Variants in ATRNL1 observed in about 807,000 individuals in gnomAD.
ATRNL1 encodes attractin-like protein 1.
A neutral mutation model predicts 182.7 loss-of-function variants in ATRNL1; 95 were observed. That is an observed-to-expected ratio of 0.52 (90% CI 0.44 to 0.62). The LOEUF (loss-of-function observed/expected upper bound fraction) is 0.62, where lower values mean the gene tolerates loss of function less well. ATRNL1 is among the 20% of genes least tolerant of loss of function. The pLI is 0.00. For synonymous variants in ATRNL1, 576 were observed against 568.3 expected (o/e 1.01, Z -0.19); for missense variants, 1,471 against 1,679.5 (o/e 0.88, Z 2.17).
At chr10:115,594,001 T>A (rs1856074065) in intron 26 of ATRNL1, among the ~76,000 whole-genome samples, 1 of 152,072 alleles carries the variant, frequency 6.6e-6, no homozygotes, top group South Asian at 2.1e-4. Context: ...CTCTAAAACA[T>A]ATTATTAGGT....
intron 5 of ATRNL1, 72 bp downstream of exon 5, chr10:115,129,607 C>A: frequency 7.9e-7 from 1 of 1,269,170 alleles, no homozygotes; most frequent in Non-Finnish European, 1.1e-6. Flanking sequence ...AAATTCCACA[C>A]GTTTGTTTCG....
chr10:115,564,156 T>G (rs1388112880), intron 26 of ATRNL1, among the ~76,000 whole-genome samples: 3 of 152,096 alleles, frequency 2.0e-5, no homozygotes, highest in Non-Finnish European at 4.4e-5. Context: ...AAATGATTCA[T>G]GTACTTTAAT....
At chr10:115,932,953 G>A (rs782485354) in intron 28 of ATRNL1, among the ~76,000 whole-genome samples, 5 of 147,650 alleles carry the variant, frequency 3.4e-5, no homozygotes, top group African/African-American at 5.3e-5. Context: ...ACTTAAAACG[G>A]TAAGATAATT....
rs1554924686 is a variant in ATRNL1, at chr10:115,301,966, G to C, written c.2741G>C (p.Arg914Pro). 1 of 1,613,992 alleles carries C rather than the reference G, an allele frequency of 6.2e-7. No homozygotes were observed. Among genetic ancestry groups the C allele is most frequent in the Admixed American group, 1.7e-5 (1 of 59,998 alleles). The change falls in exon 17 of 29, where the codon CGA becomes CCA. Residue 914 changes from arginine (R) to proline (P), a missense_variant. Around this residue, in one of 3 missense-constraint regions of ATRNL1, gnomAD observed 1,031 missense variants for 1,156.0 expected, o/e 0.89. Coordinates refer to ENST00000355044, the MANE Select transcript of ATRNL1 (RefSeq NM_207303.4). ...TGTATGTGGTGCAGCAGTACGAAAC[G>C]ATGTGTTGACTCTAATGCCTATATC... ...MECMWCSSTK[R>P]CVDSNAYIIS...
intron 10 of ATRNL1, among the ~76,000 whole-genome samples, chr10:115,244,506 T>A (rs1258005373): frequency 2.0e-5 from 3 of 152,152 alleles, no homozygotes; most frequent in African/African-American, 7.2e-5. Context: ...CTATGTTTTT[T>A]AAAAGTGACT....
At chr10:115,528,038 CT>C (rs1554987168) in intron 25 of ATRNL1, among the ~76,000 whole-genome samples, 7 of 32,276 alleles carry the variant, frequency 2.2e-4, no homozygotes, top group African/African-American at 8.8e-4. Context: ...TCCTTCCTTT[CT>C]TCCTTCCTTC....
intron 21 of ATRNL1, among the ~76,000 whole-genome samples, chr10:115,453,894 A>G (rs1455586389): frequency 6.6e-6 from 1 of 151,896 alleles, no homozygotes; most frequent in African/African-American, 2.4e-5. Flanking sequence ...ACATGTATAC[A>G]TATGTAACTA....
At chr10:115,230,865 G>C (rs1849894602) in intron 9 of ATRNL1, among the ~76,000 whole-genome samples, 1 of 137,044 alleles carries the variant, frequency 7.3e-6, no homozygotes, top group Non-Finnish European at 1.6e-5. Context: ...TGGATATAGA[G>C]TGGATGAGAG....
chr10:115,792,078 A>G (rs1172302191), intron 27 of ATRNL1, among the ~76,000 whole-genome samples: 1 of 152,136 alleles, frequency 6.6e-6, no homozygotes, highest in Non-Finnish European at 1.5e-5. Context: ...CAGCAAGCAT[A>G]CTGCTTCACA....
intron 24 of ATRNL1, among the ~76,000 whole-genome samples, chr10:115,481,774 C>G (rs1449981208): frequency 6.6e-6 from 1 of 150,502 alleles, no homozygotes; most frequent in Non-Finnish European, 1.5e-5. Flanking sequence ...TGTTTTAGCT[C>G]TAGACACGCT....
At chr10:115,263,155 A>G (rs1321640825) in intron 10 of ATRNL1, among the ~76,000 whole-genome samples, 5 of 151,934 alleles carry the variant, frequency 3.3e-5, no homozygotes, top group African/African-American at 9.7e-5. Context: ...CATGGTTACA[A>G]TGAGCACACA....
At position 115,531,148 on chromosome 10, in the gene ATRNL1, T is replaced by C. The variant is rs1851556594; in HGVS notation, c.3716+11824T>C. ...AGTCCTTTGGGTATATACCCAGTAATGGGATGGCTGGGTCAAATGGTATTT... is the reference window on the plus strand; with the variant it reads ...AGTCCTTTGGGTATATACCCAGTAACGGGATGGCTGGGTCAAATGGTATTT... On this transcript the variant is annotated intron_variant, in intron 25 of 28. Transcript: ENST00000355044. 2.0e-5 allele frequency among the ~76,000 whole-genome samples: 3 copies of C among 152,050 alleles called. No homozygotes were observed. In the South Asian group the frequency reaches 6.2e-4, roughly 32 times the overall value.
intron 26 of ATRNL1, among the ~76,000 whole-genome samples, chr10:115,554,214 A>G (rs1355211934): frequency 2.0e-5 from 3 of 151,550 alleles, no homozygotes; most frequent in Non-Finnish European, 4.4e-5. Context: ...CACAATGTCA[A>G]CTTACTGTTG....
At chr10:115,201,425 A>G (rs1848574720) in intron 8 of ATRNL1, among the ~76,000 whole-genome samples, 1 of 152,088 alleles carries the variant, frequency 6.6e-6, no homozygotes, top group African/African-American at 2.4e-5. Context: ...TAAGGAAGGG[A>G]TCCAGTTTCA....
rs1317303513 is a variant in ATRNL1 at position 115,093,380 on chromosome 10, C to T, written c.-371C>T. The T allele has an allele frequency of 8.8e-5, 15 of 170,088 alleles. No individual in the cohort carries two copies. Among genetic ancestry groups the T allele is most frequent in the Non-Finnish European group, 1.7e-4 (14 of 81,944 alleles). 10.5% of individuals were successfully genotyped at this position (170,088 alleles called of 1,614,324 possible). On this transcript the variant is annotated 5_prime_UTR_variant, in exon 1 of 29. Coordinates refer to ENST00000355044, the MANE Select transcript of ATRNL1 (RefSeq NM_207303.4). This position sits in a 1 kb window ranked among gnomAD's most constrained non-coding sequence, Gnocchi z 6.1. ...GAGCCGAGGCAGTTGGCGCGGGCCG[C>T]GGGCGAGGCGGGGCCGCGCGCGGGG...
chr10:115,607,196 G>T (rs1216558266), intron 26 of ATRNL1, among the ~76,000 whole-genome samples: 4 of 151,752 alleles, frequency 2.6e-5, no homozygotes, highest in African/African-American at 9.7e-5. Context: ...AGAAGACTGT[G>T]TCATATTTTT....
intron 28 of ATRNL1, among the ~76,000 whole-genome samples, chr10:115,902,357 T>TA (rs34324061): frequency 9.9e-5 from 15 of 151,674 alleles, no homozygotes; most frequent in South Asian, 6.3e-4. Context: ...TATCTTCTTT[T>TA]AAAAAAAAAT....
chr10:115,286,121 A>T, intron 14 of ATRNL1, 95 bp from the exon 15 acceptor site: 1 of 622,354 alleles, frequency 1.6e-6, no homozygotes, highest in Non-Finnish European at 2.8e-6. Flanking sequence ...TATTTCAAAA[A>T]TAATTTAAAC....
intron 10 of ATRNL1, among the ~76,000 whole-genome samples, chr10:115,242,570 A>C (rs1387947242): frequency 6.6e-6 from 1 of 152,042 alleles, no homozygotes; most frequent in African/African-American, 2.4e-5. Flanking sequence ...TTTATAAGTA[A>C]AATAAAAGAA....
Sources: allele counts gnomAD v4.1 joint callset (sites outside exome capture counted in the v4.1 genomes callset), GRCh38; gene constraint gnomAD v4.1.1; regional missense constraint gnomAD v4.1.1; non-coding constraint Gnocchi (gnomAD v3.1); transcripts MANE v1.5; gene names NCBI Gene and HGNC (gene_info 2026-07-23, HGNC 2026-07-21).